The following MYO1E variants were observed in gnomAD, a reference collection of about 807,000 sequenced individuals.
MYO1E encodes unconventional myosin-Ie.
MYO1E carries 68 observed loss-of-function variants against 151.1 expected under a neutral mutation model. That is an observed-to-expected ratio of 0.45 (90% confidence interval 0.37 to 0.55). The LOEUF is 0.55. MYO1E is among the 20% of genes least tolerant of loss of function. MYO1E has a pLI of 0.00. For missense variants in MYO1E, 1,363 were observed against 1,389.3 expected (o/e 0.98, Z 0.30); for synonymous variants, 601 against 501.7 (o/e 1.20, Z -2.64).
chr15:59,354,208 A>C (rs977928454), intron 1 of MYO1E, among the ~76,000 whole-genome samples: 1 of 152,226 alleles, frequency 6.6e-6, no homozygotes, highest in Non-Finnish European at 1.5e-5. Flanking sequence ...AAACAAAACA[A>C]TTAAGCCATT....
intron 1 of MYO1E, among the ~76,000 whole-genome samples, chr15:59,324,217 A>C (rs1289641809): frequency 6.6e-6 from 1 of 152,178 alleles, no homozygotes; most frequent in Non-Finnish European, 1.5e-5. Flanking sequence ...ACTCCAATTA[A>C]TTCTATTCTG....
chr15:59,282,027 C>T (rs1177359042), intron 1 of MYO1E, among the ~76,000 whole-genome samples: 1 of 152,012 alleles, frequency 6.6e-6, no homozygotes, highest in African/African-American at 2.4e-5. Flanking sequence ...TTGTACATAC[C>T]GATGTTAAGG....
intron 1 of MYO1E, among the ~76,000 whole-genome samples, chr15:59,295,483 G>A (rs1474169419): frequency 2.6e-5 from 4 of 152,202 alleles, no homozygotes; most frequent in Non-Finnish European, 5.9e-5. Flanking sequence ...TGGCACTACA[G>A]ACAGGAAACA....
chr15:59,182,092 G>A (rs1385486203), intron 18 of MYO1E, among the ~76,000 whole-genome samples: 1 of 152,184 alleles, frequency 6.6e-6, no homozygotes, highest in African/African-American at 2.4e-5. Context: ...GGGACTTCAA[G>A]CCACTTTTGA....
intron 23 of MYO1E, 41 bp from the exon 24 acceptor site, chr15:59,161,271 G>A (rs754862480): frequency 1.2e-6 from 2 of 1,605,050 alleles, no homozygotes; most frequent in South Asian, 1.1e-5. Flanking sequence ...GAAGGACGCA[G>A]TGAGAAAACG....
rs568674200 is a variant in MYO1E, at chr15:59,294,889, A to G, written c.4-22440T>C. Among the ~76,000 whole-genome samples the G allele has an allele frequency of 4.0e-4, 61 of 152,228 alleles. 1 individual carries two copies. The South Asian group carries it at 0.013, about 32-fold the overall frequency. On this transcript the variant is annotated intron_variant, in intron 1 of 27. Coordinates refer to ENST00000288235, the MANE Select transcript of MYO1E (RefSeq NM_004998.4). The stretch of plus-strand genomic sequence containing the variant: ...ATGATGTTCTCACCACCTGGACCAA[A>G]TATCCTGCATGTTCAATCTAGTCCA...
chr15:59,231,908 C>A, intron 5 of MYO1E, 117 bp from the exon 6 acceptor site: 2 of 904,678 alleles, frequency 2.2e-6, no homozygotes, highest in Non-Finnish European at 3.6e-6. Context: ...GCCCCACACC[C>A]GTGTGTCACT....
At chr15:59,304,388 T>C (rs2080502614) in intron 1 of MYO1E, among the ~76,000 whole-genome samples, 1 of 152,230 alleles carries the variant, frequency 6.6e-6, no homozygotes, top group South Asian at 2.1e-4. Context: ...TCAGTTGGCT[T>C]CTTTCCATCT....
chr15:59,340,691 A>G (rs1031899461), intron 1 of MYO1E, among the ~76,000 whole-genome samples: 14 of 152,118 alleles, frequency 9.2e-5, no homozygotes, highest in African/African-American at 3.4e-4. Flanking sequence ...ACTTTATAAT[A>G]TTTGGTTTTT....
chr15:59,361,972 G>T (rs1382307320), intron 1 of MYO1E, among the ~76,000 whole-genome samples: 1 of 152,038 alleles, frequency 6.6e-6, no homozygotes, highest in Non-Finnish European at 1.5e-5. Context: ...GAGTAGCTGG[G>T]ATTACGGGCG....
At chr15:59,198,217 T>G (rs758668400) in intron 16 of MYO1E, among the ~76,000 whole-genome samples, 3 of 152,142 alleles carry the variant, frequency 2.0e-5, no homozygotes, top group African/African-American at 4.8e-5. Context: ...GTAACTGAAT[T>G]TAATCCTGAT....
intron 1 of MYO1E, among the ~76,000 whole-genome samples, chr15:59,293,379 C>G (rs775797797): frequency 7.9e-5 from 12 of 151,998 alleles, no homozygotes; most frequent in Non-Finnish European, 1.3e-4. Flanking sequence ...AACCCCATCT[C>G]TACTAAAAAT....
intron 26 of MYO1E, among the ~76,000 whole-genome samples, chr15:59,151,060 C>CGT (rs1566964896): frequency 3.1e-4 from 45 of 147,414 alleles, no homozygotes; most frequent in African/African-American, 1.1e-3. Flanking sequence ...CGCGCGCGCG[C>CGT]GCACGTGCAC....
At position 59,372,656 on chromosome 15, in the gene MYO1E, G is replaced by GGGGA. The variant is rs2080955129; in HGVS notation, c.-160_-157dup. ...TCACAGGAGCCAATGGGAACCCAGA[G>GGGGA]GGGACTCCATCCAGGCGGGATTGGC... On this transcript the variant is annotated 5_prime_UTR_variant, in exon 1 of 28. An upstream open reading frame in the 5' UTR loses its in-frame stop. Coordinates refer to ENST00000288235, the MANE Select transcript of MYO1E (RefSeq NM_004998.4). 1.1e-6 allele frequency: 1 copy of GGGGA among 923,488 alleles called. No homozygotes were observed. The highest frequency in any genetic ancestry group is 2.6e-5 in the Admixed American group (1 of 38,376). The allele number at this position is 923,488 out of a possible 1,614,324, so 57.2% of individuals were successfully genotyped here.
At chr15:59,322,538 C>T (rs1390877168) in intron 1 of MYO1E, among the ~76,000 whole-genome samples, 1 of 152,104 alleles carries the variant, frequency 6.6e-6, no homozygotes, top group Non-Finnish European at 1.5e-5. Flanking sequence ...AGTGTTTAGT[C>T]AAGTGTTTTT....
At position 59,133,016 on chromosome 15, in the gene MYO1E, T is replaced by C. The variant is rs1006786668; in HGVS notation, c.*4364A>G. 5 of 152,234 alleles carry C rather than the reference T, an allele frequency of 3.3e-5. No homozygotes were observed. Among genetic ancestry groups the C allele is most frequent in the African/African-American group, 9.6e-5 (4 of 41,458 alleles). 9.4% of individuals were successfully genotyped at this position (152,234 alleles called of 1,614,324 possible). ...ACTTTTATGTTCTGAGAGGAAGATA[T>C]TGGAAGTTGAAAGGCTGACACAGTA... On this transcript the variant is annotated 3_prime_UTR_variant, in exon 28 of 28. Transcript: ENST00000288235.
intron 2 of MYO1E, among the ~76,000 whole-genome samples, chr15:59,267,828 T>C (rs1250774663): frequency 1.3e-5 from 2 of 152,230 alleles, no homozygotes; most frequent in Non-Finnish European, 2.9e-5. Flanking sequence ...TGTGGCAACA[T>C]TGATGACAAA....
intron 1 of MYO1E, among the ~76,000 whole-genome samples, chr15:59,358,736 T>C (rs979054489): frequency 2.4e-4 from 36 of 152,374 alleles, no homozygotes; most frequent in African/African-American, 8.7e-4. Context: ...TTGGAGTCTG[T>C]ATTGAATGCA....
In MYO1E at chr15:59,158,313, G is replaced by A. The variant is rs750410945; in HGVS notation, c.2852C>T (p.Pro951Leu). ...YSSGTQNANY[P>L]VRAAPPPPGY... ...TGGGGGAGGAGGGGCAGCTCTCACT[G>A]GGTAGTTGGCATTTTGAGTCCCACT... Residue 951 changes from proline to leucine, a missense_variant, in exon 25 of 28, where the codon CCA becomes CTA. Pro to Leu is a moderately conservative substitution (Grantham distance 98). Coordinates refer to ENST00000288235, the MANE Select transcript of MYO1E (RefSeq NM_004998.4). 4 of 1,577,268 alleles carry A rather than the reference G, an allele frequency of 2.5e-6. No homozygotes were observed. Among genetic ancestry groups the A allele is most frequent in the Middle Eastern group, 2.0e-4 (1 of 4,946 alleles).
Sources: gnomAD v4.1 joint callset for allele counts (sites outside exome capture counted in the v4.1 genomes callset) on GRCh38, gnomAD v4.1.1 for gene constraint, MANE v1.5 for transcripts, NCBI Gene and HGNC (gene_info 2026-07-23, HGNC 2026-07-21) for gene names.